The following MCC variants were observed in gnomAD, a reference collection of about 807,000 sequenced individuals.
MCC encodes the protein colorectal mutant cancer protein.
A neutral mutation model predicts 116.2 loss-of-function variants in MCC; 90 were observed. The observed-to-expected ratio is 0.77, with a 90% CI of 0.65 to 0.92. MCC has a LOEUF of 0.92. MCC is among the 40% of genes least tolerant of loss of function. MCC has a pLI of 0.00. For synonymous variants in MCC, 578 were observed against 510.5 expected (o/e 1.13, Z -1.78); for missense variants, 1,516 against 1,312.2 (o/e 1.16, Z -2.40).
At chr5:113,319,827 C>G (rs1767375787) in intron 3 of MCC, among the ~76,000 whole-genome samples, 1 of 151,926 alleles carries the variant, frequency 6.6e-6, no homozygotes, top group Admixed American at 6.6e-5. Flanking sequence ...CACAGCAGGC[C>G]TCTCCCTCTT....
intron 3 of MCC, among the ~76,000 whole-genome samples, chr5:113,224,220 G>C (rs771956635): frequency 1.3e-5 from 2 of 152,030 alleles, no homozygotes; most frequent in Admixed American, 6.5e-5. Context: ...TCAGCCTTCC[G>C]AGTAGTTGGG....
In MCC at chr5:113,063,887, C is replaced by T; in HGVS notation, c.2213+97G>A. The T allele has an allele frequency of 2.2e-6, 3 of 1,344,812 alleles. No individual in the cohort carries two copies. The South Asian group carries it at 4.5e-5, about 20-fold the overall frequency. 83.3% of individuals were successfully genotyped at this position (1,344,812 alleles called of 1,614,324 possible). On this transcript the variant is annotated intron_variant, in intron 14 of 18. Coordinates refer to ENST00000408903, the MANE Select transcript of MCC (RefSeq NM_001085377.2). Reference sequence around the variant, plus strand: ...AAGCCATGTCTGCCTTTTCCCAAGCCACACAGTCCCCAAGAGCTGGGTCAC... The same window carrying T: ...AAGCCATGTCTGCCTTTTCCCAAGCTACACAGTCCCCAAGAGCTGGGTCAC...
intron 5 of MCC, among the ~76,000 whole-genome samples, chr5:113,124,612 G>C (rs1757936228): frequency 6.6e-6 from 1 of 152,170 alleles, no homozygotes; most frequent in Non-Finnish European, 1.5e-5. Context: ...ATTACTTCTA[G>C]AGATTACTAG....
intron 11 of MCC, among the ~76,000 whole-genome samples, chr5:113,082,151 G>A (rs934765278): frequency 7.2e-5 from 11 of 152,182 alleles, no homozygotes; most frequent in African/African-American, 2.7e-4. Context: ...TTGCCAACAG[G>A]CAAAAGGGCA....
At chr5:113,477,860 G>A (rs891600153) in intron 1 of MCC, among the ~76,000 whole-genome samples, 13 of 152,088 alleles carry the variant, frequency 8.5e-5, no homozygotes, top group Admixed American at 5.9e-4. Context: ...AACCAGTACC[G>A]AACAAGTTTA....
intron 3 of MCC, among the ~76,000 whole-genome samples, chr5:113,310,895 T>G (rs2150367974): frequency 6.6e-6 from 1 of 152,342 alleles, no homozygotes; most frequent in African/African-American, 2.4e-5. Context: ...CCATCCTTCC[T>G]TCATTAAAAA....
intron 2 of MCC, among the ~76,000 whole-genome samples, chr5:113,350,758 T>A (rs562595311): frequency 1.3e-5 from 2 of 151,904 alleles, no homozygotes; most frequent in Admixed American, 6.6e-5. Context: ...ACCCACAGAA[T>A]GGAGAAAATA....
chr5:113,224,464 G>A (rs887796337), intron 3 of MCC, among the ~76,000 whole-genome samples: 5 of 152,154 alleles, frequency 3.3e-5, no homozygotes, highest in African/African-American at 9.7e-5. Context: ...TGAATTGGAG[G>A]GGCCTGAAAC....
chr5:113,254,784 C>T (rs1442383030), intron 3 of MCC, among the ~76,000 whole-genome samples: 1 of 152,186 alleles, frequency 6.6e-6, no homozygotes, highest in Non-Finnish European at 1.5e-5. Flanking sequence ...CAAACCATCT[C>T]CTTGGATTTT....
chr5:113,090,709 G>C (rs1755565767), intron 8 of MCC, among the ~76,000 whole-genome samples: 1 of 152,222 alleles, frequency 6.6e-6, no homozygotes, highest in Non-Finnish European at 1.5e-5. Context: ...ACAAGAATGA[G>C]AACAGAGGCT....
Position 113,061,296 on chromosome 5 carries a change from C to T in MCC, c.2213+2688G>A, listed in dbSNP as rs566216752. ...TCTGAGAGTACAGACTTGCTGTGGCCGATCCTGTCTTGGCCACAGTTCCTT... is the reference window on the plus strand; with the variant it reads ...TCTGAGAGTACAGACTTGCTGTGGCTGATCCTGTCTTGGCCACAGTTCCTT... On this transcript the variant is annotated intron_variant, in intron 14 of 18. Coordinates refer to ENST00000408903, the MANE Select transcript of MCC (RefSeq NM_001085377.2). 1.1e-4 allele frequency among the ~76,000 whole-genome samples: 16 copies of T among 152,300 alleles called. No individual in the cohort carries two copies. The South Asian group carries it at 2.3e-3, about 22-fold the overall frequency.
intron 1 of MCC, among the ~76,000 whole-genome samples, chr5:113,395,603 C>T (rs1769508071): frequency 2.0e-5 from 3 of 152,132 alleles, no homozygotes; most frequent in African/African-American, 7.2e-5. Flanking sequence ...GGTGACCATA[C>T]CCTCCCTCTT....
intron 3 of MCC, among the ~76,000 whole-genome samples, chr5:113,278,674 C>A (rs1303194239): frequency 6.6e-6 from 1 of 152,132 alleles, no homozygotes; most frequent in Non-Finnish European, 1.5e-5. Flanking sequence ...CTTGAAGGTG[C>A]TGAAATCAGC....
intron 14 of MCC, among the ~76,000 whole-genome samples, chr5:113,061,212 A>T (rs62364452): frequency 0.039 from 5,869 of 152,228 alleles, 162 homozygotes; most frequent in East Asian, 0.076. Flanking sequence ...TGCAACCACC[A>T]TTCTCACAGC....
chr5:113,410,776 G>A (rs113690132), intron 1 of MCC, among the ~76,000 whole-genome samples: 3 of 152,024 alleles, frequency 2.0e-5, no homozygotes, highest in Admixed American at 6.6e-5. Flanking sequence ...CCTACAACAG[G>A]CCCTGGTGTG....
chr5:113,293,709 C>A (rs1269118710), intron 3 of MCC, among the ~76,000 whole-genome samples: 1 of 152,154 alleles, frequency 6.6e-6, no homozygotes, highest in Non-Finnish European at 1.5e-5. Context: ...CCAGGAATTG[C>A]AAATGCGCTT....
chr5:113,442,879 C>T (rs1014185583), intron 1 of MCC, among the ~76,000 whole-genome samples: 4 of 152,106 alleles, frequency 2.6e-5, no homozygotes, highest in Non-Finnish European at 5.9e-5. Flanking sequence ...GGTACCAGTA[C>T]CATGCTGTTT....
At chr5:113,372,798 T>C (rs940331308) in intron 2 of MCC, among the ~76,000 whole-genome samples, 8 of 152,152 alleles carry the variant, frequency 5.3e-5, no homozygotes, top group East Asian at 1.9e-4. Context: ...GCTCAAGCAG[T>C]CACCTACCCT....
At chr5:113,441,837 C>T (rs1403267833) in intron 1 of MCC, among the ~76,000 whole-genome samples, 2 of 152,166 alleles carry the variant, frequency 1.3e-5, no homozygotes, top group African/African-American at 4.8e-5. Flanking sequence ...TGAACTCATT[C>T]TTTTTTAAGG....
Sources: gnomAD v4.1 joint callset for allele counts (sites outside exome capture counted in the v4.1 genomes callset) on GRCh38, gnomAD v4.1.1 for gene constraint, MANE v1.5 for transcripts, NCBI Gene and HGNC (gene_info 2026-07-23, HGNC 2026-07-21) for gene names.